Variants in RPL5 observed in about 807,000 individuals in gnomAD.
The protein encoded by RPL5 is ribosomal protein L5.
A neutral mutation model predicts 38.4 loss-of-function variants in RPL5; 1 was observed. The ratio of observed to expected loss-of-function variants is 0.03; its 90% CI spans 0.01 to 0.12. RPL5 has a LOEUF of 0.12. RPL5 is among the 10% of genes least tolerant of loss of function. RPL5 has a pLI of 1.00. For missense variants in RPL5, 243 were observed against 374.1 expected (o/e 0.65, Z 2.89); for synonymous variants, 109 against 121.2 (o/e 0.90, Z 0.66).
chr1:92,832,367 T>G (rs188498669), intron 1 of RPL5: 995 of 635,060 alleles, frequency 1.6e-3, no homozygotes, highest in Non-Finnish European at 2.2e-3. Flanking sequence ...AAGGGTGAGT[T>G]TAGTAGACAG....
chr1:92,837,439 G>A lies in RPL5; in HGVS notation c.528-17G>A, dbSNP rs750119521. On this transcript the variant is annotated splice_polypyrimidine_tract_variant and intron_variant, in intron 5 of 7. Transcript: ENST00000370321. ...GTTAAGTGAGTCTATACTAAAATATGAATAACTTTATTTTAGTACCAAACG... is the reference window on the plus strand; with the variant it reads ...GTTAAGTGAGTCTATACTAAAATATAAATAACTTTATTTTAGTACCAAACG... 4 of 1,604,558 alleles carry A rather than the reference G, an allele frequency of 2.5e-6. No individual in the cohort carries two copies. In the Admixed American group the frequency reaches 6.7e-5, roughly 27 times the overall value.
intron 1 of RPL5, chr1:92,832,593 C>T (rs976123032): frequency 6.4e-6 from 2 of 314,074 alleles, no homozygotes; most frequent in Non-Finnish European, 1.2e-5. Context: ...GAAGCTTGTG[C>T]CCGTGGGCTG....
chr1:92,838,216 T>G (rs1456274247), intron 6 of RPL5, among the ~76,000 whole-genome samples: 1 of 152,222 alleles, frequency 6.6e-6, no homozygotes, highest in African/African-American at 2.4e-5. Flanking sequence ...AATGACCACT[T>G]TCTGTTATTT....
chr1:92,837,888 T>C, intron 6 of RPL5: 1 of 509,710 alleles, frequency 2.0e-6, no homozygotes, highest in South Asian at 2.1e-5. Flanking sequence ...TGTAATCTGC[T>C]TTGTTGGATA....
intron 6 of RPL5, 109 bp downstream of exon 6, chr1:92,837,742 T>C (rs1687185154): frequency 1.2e-6 from 1 of 837,350 alleles, no homozygotes. Context: ...CTTGACAACA[T>C]GAGCTAGACT....
At chr1:92,832,987 T>G (rs1686969150) in intron 1 of RPL5, 1 of 733,304 alleles carries the variant, frequency 1.4e-6, no homozygotes, top group Non-Finnish European at 2.5e-6. Context: ...CTGATTGCTG[T>G]CTGGAGCAGT....
chr1:92,834,060 C>T (rs570909964), intron 3 of RPL5: 2 of 275,242 alleles, frequency 7.3e-6, no homozygotes, highest in Non-Finnish European at 1.4e-5. Context: ...TCACACCCAG[C>T]CCTCCAACCT....
chr1:92,834,195 T>C (rs1442568315), intron 3 of RPL5, among the ~76,000 whole-genome samples: 1 of 152,230 alleles, frequency 6.6e-6, no homozygotes, highest in East Asian at 1.9e-4. Context: ...ATTTTTCCTA[T>C]ATGGCCTTAT....
chr1:92,833,720 C>T (rs1477676264), intron 3 of RPL5, 60 bp downstream of exon 3: 1 of 1,336,280 alleles, frequency 7.5e-7, no homozygotes, highest in East Asian at 2.3e-5. Flanking sequence ...GCTTGGGAAG[C>T]AAAGCACATG....
rs528357609 is a variant in RPL5 at position 92,836,428 on chromosome 1, G to A, written c.527+36G>A. 19 of 1,575,348 alleles carry A rather than the reference G, an allele frequency of 1.2e-5. No individual in the cohort carries two copies. In the East Asian group the frequency reaches 2.0e-4, roughly 17 times the overall value. On this transcript the variant is annotated intron_variant, in intron 5 of 7. Transcript: ENST00000370321. ...TATTTAAGACCTTGGTGCCTGGACC[G>A]TGGTACTTCCCTGTTTTTAACTAGT...
chr1:92,832,314 T>A, intron 1 of RPL5, 197 bp downstream of exon 1: 2 of 816,854 alleles, frequency 2.4e-6, no homozygotes, highest in Non-Finnish European at 2.0e-6. Flanking sequence ...GGGGAGGGGT[T>A]GGCGAAGAAG....
intron 4 of RPL5, among the ~76,000 whole-genome samples, chr1:92,835,500 G>GAAA (rs560861965): frequency 7.7e-6 from 1 of 129,274 alleles, no homozygotes; most frequent in African/African-American, 2.8e-5. Flanking sequence ...TAAAAAAGTA[G>GAAA]AAAAAAAAAA....
Sources: allele counts gnomAD v4.1 joint callset (sites outside exome capture counted in the v4.1 genomes callset), GRCh38; gene constraint gnomAD v4.1.1; transcripts MANE v1.5; gene names NCBI Gene and HGNC (gene_info 2026-07-23, HGNC 2026-07-21).